MAGED1: variants seen among roughly 807,000 people sequenced by gnomAD.
MAGED1 encodes the protein MAGE family member D1.
Under a neutral mutation model 54.1 loss-of-function variants are expected in MAGED1, and 3 were observed. The ratio of observed to expected loss-of-function variants is 0.06; its 90% CI spans 0.03 to 0.14. The LOEUF is 0.14. MAGED1 is among the 10% of genes least tolerant of loss of function. The pLI is 1.00. For missense variants in MAGED1, 485 were observed against 623.4 expected (o/e 0.78, Z 2.36); for synonymous variants, 217 against 227.3 (o/e 0.95, Z 0.41).
At chrX:51,811,444 G>A (rs1925214940) in intron 1 of MAGED1, among the ~76,000 whole-genome samples, 1 of 112,014 alleles carries the variant, frequency 8.9e-6, no homozygotes, top group Admixed American at 9.5e-5. Flanking sequence ...CAGGTTTGTG[G>A]TTTACCGGAG....
intron 10 of MAGED1, chrX:51,898,864 C>T (rs1557364622): frequency 7.7e-5 from 26 of 337,586 alleles, no homozygotes; most frequent in South Asian, 6.8e-4. Flanking sequence ...ATTAGCCAGG[C>T]GTGGTGACAT....
At chrX:51,897,923 A>C in intron 7 of MAGED1, 37 bp downstream of exon 7, 2 of 1,080,403 alleles carry the variant, frequency 1.9e-6, no homozygotes, top group Non-Finnish European at 1.3e-6. Flanking sequence ...GGCCTTTCTC[A>C]GTGGTGCTTT....
At chrX:51,838,158 C>G (rs1557358115) in intron 1 of MAGED1, among the ~76,000 whole-genome samples, 1 of 112,407 alleles carries the variant, frequency 8.9e-6, no homozygotes, top group Non-Finnish European at 1.9e-5. Flanking sequence ...TTTCCGCTGT[C>G]TCAGTGCTGT....
intron 1 of MAGED1, among the ~76,000 whole-genome samples, chrX:51,803,627 CTTTT>C (rs1179676499): frequency 1.7e-5 from 1 of 60,465 alleles, no homozygotes; most frequent in Non-Finnish European, 3.1e-5. Flanking sequence ...AAGGTCAAGG[CTTTT>C]TTTTTTTTTT....
At chrX:51,839,063 T>TA (rs1158434254) in intron 1 of MAGED1, among the ~76,000 whole-genome samples, 5 of 111,496 alleles carry the variant, frequency 4.5e-5, no homozygotes, top group African/African-American at 6.5e-5. Flanking sequence ...ATTTTAAAAT[T>TA]AAAAAAATCA....
chrX:51,814,168 G>T (rs1569555368), intron 1 of MAGED1, among the ~76,000 whole-genome samples: 2 of 111,561 alleles, frequency 1.8e-5, no homozygotes, highest in Admixed American at 9.5e-5. Flanking sequence ...AAAGAGAAAA[G>T]AAACAGCTAT....
Position 51,896,983 on chromosome X carries a change from G to A in MAGED1, c.1328G>A (p.Arg443His), listed in dbSNP as rs782201149. 7.4e-6 allele frequency: 9 copies of A among 1,209,159 alleles called. No homozygotes were observed. The South Asian group carries it at 1.4e-4, about 19-fold the overall frequency. The stretch of plus-strand genomic sequence containing the variant: ...ATTCCACCTGACTGGCAGAACCTGC[G>A]CCCCTCGCCTAACCTGCGCCCTTCT... ...WPIPPDWQNL[R>H]PSPNLRPSPN... The change falls in exon 4 of 13, where the codon CGC (arginine) becomes CAC (histidine). Residue 443 changes from arginine (R) to histidine (H), a missense_variant. By Grantham distance (29) the Arg-to-His change is conservative. Transcript: ENST00000326587.
intron 1 of MAGED1, among the ~76,000 whole-genome samples, chrX:51,813,669 C>T (rs980262839): frequency 9.0e-6 from 1 of 111,702 alleles, no homozygotes; most frequent in Non-Finnish European, 1.9e-5. Context: ...TGGGTGGGGT[C>T]CCTCCTTCTT....
chrX:51,803,093 C>T (rs980726932), exon 1 of MAGED1: 30 of 111,534 alleles, frequency 2.7e-4, no homozygotes, highest in African/African-American at 9.8e-4. Flanking sequence ...CCGGTCACGC[C>T]ATCGTTGCTG....
At chrX:51,845,733 T>C (rs1557359208) in intron 1 of MAGED1, among the ~76,000 whole-genome samples, 2 of 111,511 alleles carry the variant, frequency 1.8e-5, no homozygotes, top group African/African-American at 3.3e-5. Context: ...CAGATCTTGG[T>C]ATGAAATGAA....
At chrX:51,848,989 T>G (rs1261779748) in intron 1 of MAGED1, among the ~76,000 whole-genome samples, 1 of 108,635 alleles carries the variant, frequency 9.2e-6, no homozygotes, top group Admixed American at 9.9e-5. Flanking sequence ...TACCTTGATG[T>G]CATAAAGATA....
chrX:51,890,537 G>C (rs1433017822), upstream of MAGED1, among the ~76,000 whole-genome samples: 4 of 111,327 alleles, frequency 3.6e-5, no homozygotes, highest in African/African-American at 1.3e-4. Context: ...TCTGGCCTTT[G>C]TGGCTTTTGC....
intron 1 of MAGED1, among the ~76,000 whole-genome samples, chrX:51,867,522 T>C (rs1927498690): frequency 9.0e-6 from 1 of 111,433 alleles, no homozygotes; most frequent in Admixed American, 9.5e-5. Context: ...TCTCTCCTTC[T>C]CACGTTTTTC....
Position 51,834,585 on chromosome X carries a change from CT to C in MAGED1, c.-37+31476del, listed in dbSNP as rs781987678. ...TTGTTAATGGATATTAGGTTGTTTC[CT>C]TTTTTTTATAGTTGAAAACACTGTT... is the stretch of plus-strand genomic sequence containing the variant. On this transcript the variant is annotated intron_variant, in intron 1 of 12. Coordinates refer to the MAGED1 transcript ENST00000375772. Among the ~76,000 whole-genome samples, 511 of 111,125 alleles carry C rather than the reference CT, an allele frequency of 4.6e-3. 2 individuals are homozygous for C. Among genetic ancestry groups the C allele is most frequent in the African/African-American group, 0.016 (490 of 30,632 alleles).
In MAGED1 at chrX:51,882,852, G is replaced by A. The variant is rs535681330; in HGVS notation, c.-36-11417G>A. On this transcript the variant is annotated intron_variant, in intron 1 of 12. Coordinates refer to the MAGED1 transcript ENST00000375772. ...ATTACAGGCACGTGCCACCACGCCC[G>A]GCTAATTTTTGTATTTTTAGTAGAG... is the stretch of plus-strand genomic sequence containing the variant. Among the ~76,000 whole-genome samples the A allele has an allele frequency of 9.1e-5, 10 of 110,288 alleles. No homozygotes were observed. In the South Asian group the frequency reaches 2.8e-3, roughly 31 times the overall value.
intron 1 of MAGED1, among the ~76,000 whole-genome samples, chrX:51,878,629 G>A (rs1297928066): frequency 9.0e-6 from 1 of 111,632 alleles, no homozygotes; most frequent in Non-Finnish European, 1.9e-5. Flanking sequence ...AAATCTGACT[G>A]GACTCAGATC....
intron 1 of MAGED1, among the ~76,000 whole-genome samples, chrX:51,881,834 C>T (rs782385453): frequency 1.8e-5 from 2 of 111,201 alleles, no homozygotes; most frequent in South Asian, 7.6e-4. Flanking sequence ...TTTCTTATTC[C>T]TATTATATTC....
chrX:51,864,580 C>T (rs782093079), intron 1 of MAGED1, among the ~76,000 whole-genome samples: 2 of 111,650 alleles, frequency 1.8e-5, no homozygotes, highest in Non-Finnish European at 3.8e-5. Flanking sequence ...TTCTTCCAAT[C>T]CATGAACACA....
chrX:51,862,998 T>C, intron 1 of MAGED1, among the ~76,000 whole-genome samples: 1 of 112,031 alleles, frequency 8.9e-6, no homozygotes, highest in East Asian at 2.8e-4. Context: ...TCTACTCTCT[T>C]AATGAATTTC....
Sources: allele counts gnomAD v4.1 joint callset (sites outside exome capture counted in the v4.1 genomes callset), GRCh38; gene constraint gnomAD v4.1.1; transcripts MANE v1.5; gene names NCBI Gene and HGNC (gene_info 2026-07-23, HGNC 2026-07-21).